The following DACH1 variants were observed in gnomAD, a reference collection of about 807,000 sequenced individuals.
DACH1 encodes the protein dachshund family transcription factor 1.
DACH1 carries 12 observed loss-of-function variants against 54.2 expected under a neutral mutation model. The ratio of observed to expected loss-of-function variants is 0.22; its 90% CI spans 0.14 to 0.36. The LOEUF is 0.36. Among genes scored for constraint, DACH1 ranks in the 10% least tolerant of loss-of-function variants. The pLI, the probability that DACH1 is intolerant of heterozygous loss-of-function variation, is 1.00. For missense variants in DACH1, 805 were observed against 929.8 expected, an observed-to-expected ratio of 0.87 and a Z score of 1.75; for synonymous variants, 386 against 366.2, an observed-to-expected ratio of 1.05 and a Z score of -0.62.
intron 1 of DACH1, among the ~76,000 whole-genome samples, chr13:71,735,002 C>G (rs921918886): frequency 6.8e-6 from 1 of 147,830 alleles, no homozygotes; most frequent in Admixed American, 6.8e-5. Context: ...TATACAGACA[C>G]AGGATATTTA....
intron 1 of DACH1, among the ~76,000 whole-genome samples, chr13:71,777,119 T>C (rs1886095685): frequency 6.6e-6 from 1 of 152,222 alleles, no homozygotes; most frequent in South Asian, 2.1e-4. Context: ...AATCACCCTC[T>C]TGTTGTTTTC....
intron 5 of DACH1, among the ~76,000 whole-genome samples, chr13:71,559,444 A>G (rs1262262777): frequency 6.6e-6 from 1 of 152,176 alleles, no homozygotes; most frequent in Admixed American, 6.5e-5. Flanking sequence ...TCAGTGAATT[A>G]CAAAAATGGC....
intron 2 of DACH1, among the ~76,000 whole-genome samples, chr13:71,666,564 T>C (rs1879848205): frequency 6.6e-6 from 1 of 152,190 alleles, no homozygotes; most frequent in Admixed American, 6.5e-5. Flanking sequence ...ATTGGATTTA[T>C]TATAAAAATA....
chr13:71,565,697 G>GAACT (rs1041680349), intron 4 of DACH1, among the ~76,000 whole-genome samples: 1 of 151,978 alleles, frequency 6.6e-6, no homozygotes, highest in Non-Finnish European at 1.5e-5. Context: ...TTTGATTATG[G>GAACT]AACTCCATAA....
At chr13:71,641,734 G>T (rs572076242) in intron 2 of DACH1, among the ~76,000 whole-genome samples, 10 of 152,182 alleles carry the variant, frequency 6.6e-5, no homozygotes, top group Admixed American at 2.6e-4. Flanking sequence ...CCTTATCTTG[G>T]CACAATTTCA....
intron 1 of DACH1, among the ~76,000 whole-genome samples, chr13:71,738,394 G>T (rs370562174): frequency 3.9e-5 from 6 of 151,956 alleles, no homozygotes; most frequent in African/African-American, 1.4e-4. Flanking sequence ...TAAAATTCAG[G>T]GAAAAAGAGA....
At chr13:71,548,543 C>A (rs1453967097) in intron 6 of DACH1, among the ~76,000 whole-genome samples, 1 of 152,076 alleles carries the variant, frequency 6.6e-6, no homozygotes, top group African/African-American at 2.4e-5. Context: ...CATAGCTGTC[C>A]ATTTACAAAA....
chr13:71,562,534 G>C (rs1291335728), intron 4 of DACH1, among the ~76,000 whole-genome samples: 1 of 151,956 alleles, frequency 6.6e-6, no homozygotes, highest in Non-Finnish European at 1.5e-5. Context: ...ACAGAAAGAT[G>C]GCATCCAACT....
intron 1 of DACH1, among the ~76,000 whole-genome samples, chr13:71,688,884 T>C (rs1234731497): frequency 1.3e-5 from 2 of 152,220 alleles, no homozygotes; most frequent in Non-Finnish European, 2.9e-5. Context: ...CTACTAAGCA[T>C]ATGTATGTTT....
intron 1 of DACH1, among the ~76,000 whole-genome samples, chr13:71,795,616 G>T (rs979030965): frequency 6.6e-6 from 1 of 152,060 alleles, no homozygotes; most frequent in Non-Finnish European, 1.5e-5. Context: ...TCTGATATAG[G>T]GCAATCAATG....
intron 6 of DACH1, among the ~76,000 whole-genome samples, chr13:71,506,263 T>A (rs1042709178): frequency 6.7e-6 from 1 of 148,772 alleles, no homozygotes; most frequent in African/African-American, 2.5e-5. Flanking sequence ...ATTAGGTATA[T>A]CTCCCGGTGC....
intron 6 of DACH1, among the ~76,000 whole-genome samples, chr13:71,516,678 A>G (rs1249394551): frequency 6.6e-6 from 1 of 151,834 alleles, no homozygotes; most frequent in Non-Finnish European, 1.5e-5. Context: ...CATTGTACTA[A>G]AATAAAGTCA....
At chr13:71,863,427 C>G (rs1291771903) in intron 1 of DACH1, among the ~76,000 whole-genome samples, 1 of 152,086 alleles carries the variant, frequency 6.6e-6, no homozygotes, top group Non-Finnish European at 1.5e-5. Context: ...AAACTTCCCG[C>G]CTTTAACTTA....
intron 6 of DACH1, among the ~76,000 whole-genome samples, chr13:71,501,889 G>C (rs550521476): frequency 1.6e-4 from 24 of 152,116 alleles, no homozygotes; most frequent in African/African-American, 5.3e-4. Context: ...TTTTACTAGT[G>C]TTATACTTAT....
intron 3 of DACH1, among the ~76,000 whole-genome samples, chr13:71,603,546 T>C (rs1434320616): frequency 6.6e-6 from 1 of 151,990 alleles, no homozygotes; most frequent in Non-Finnish European, 1.5e-5. Flanking sequence ...ACCACCTCTC[T>C]GCAGAGTTGT....
At chr13:71,654,198 T>C (rs539630452) in intron 2 of DACH1, among the ~76,000 whole-genome samples, 26 of 151,820 alleles carry the variant, frequency 1.7e-4, no homozygotes, top group African/African-American at 5.3e-4. Flanking sequence ...GAGACCAGCC[T>C]GGCTAACACG....
At chr13:71,582,409 A>C (rs1258503365) in intron 3 of DACH1, among the ~76,000 whole-genome samples, 1 of 152,190 alleles carries the variant, frequency 6.6e-6, no homozygotes, top group Non-Finnish European at 1.5e-5. Context: ...GCACATTATG[A>C]TTGAATTTAA....
chr13:71,747,417 A>T (rs1473509859), intron 1 of DACH1, among the ~76,000 whole-genome samples: 5 of 152,160 alleles, frequency 3.3e-5, no homozygotes, highest in African/African-American at 9.6e-5. Context: ...TGTCTCTACT[A>T]AAAAAATTAA....
chr13:71,529,183 G>GTTTTTTTTTTTTTTTTTTTTTTTTTTTT (rs10707603), intron 6 of DACH1, among the ~76,000 whole-genome samples: 14 of 80,982 alleles, frequency 1.7e-4, no homozygotes, highest in African/African-American at 6.1e-4. Flanking sequence ...TGTGATTTGG[G>GTTTTTTTTTTTTTTTTTTTTTTTTTTTT]TTTTTTTTTT....
Sources: allele counts gnomAD v4.1 joint callset (sites outside exome capture counted in the v4.1 genomes callset), GRCh38; gene constraint gnomAD v4.1.1; transcripts MANE v1.5; gene names NCBI Gene and HGNC (gene_info 2026-07-23, HGNC 2026-07-21).